The following BTG4 variants were observed in gnomAD, a reference collection of about 807,000 sequenced individuals.
BTG4 encodes the protein BTG anti-proliferation factor 4.
Under a neutral mutation model 19.3 loss-of-function variants are expected in BTG4, and 10 were observed. The observed-to-expected ratio is 0.52, with a 90% confidence interval of 0.32 to 0.88. The LOEUF (loss-of-function observed/expected upper bound fraction) is 0.88. Among genes scored for constraint, BTG4 ranks in the 40% least tolerant of loss-of-function variants. The pLI is 0.04. For missense variants in BTG4, 238 were observed against 281.9 expected (o/e 0.84, Z 1.11); for synonymous variants, 91 against 95.7 (o/e 0.95, Z 0.29).
chr11:111,494,969 C>G lies in BTG4; in HGVS notation c.*166G>C. On this transcript the variant is annotated 3_prime_UTR_variant, in exon 5 of 5. Coordinates refer to ENST00000692032, the MANE Select transcript of BTG4 (RefSeq NM_001367975.1). Reference sequence around the variant, plus strand: ...AATTAAATAAGAATTAAAAGTACAGCTAAGAACAGTGATGATCTGTATGAG... The same window carrying G: ...AATTAAATAAGAATTAAAAGTACAGGTAAGAACAGTGATGATCTGTATGAG... The G allele has an allele frequency of 2.0e-6, 2 of 985,186 alleles. No individual in the cohort carries two copies. Among genetic ancestry groups the G allele is most frequent in the South Asian group, 4.7e-5 (1 of 21,276 alleles). 61.0% of individuals were successfully genotyped at this position (985,186 alleles called of 1,614,324 possible). A position where few individuals can be genotyped will look rare whatever the true frequency, so the allele number is the denominator to read the frequency against.
At chr11:111,418,390 T>G in the BTG4 span, among the ~76,000 whole-genome samples, 1 of 152,192 alleles carries the variant, frequency 6.6e-6, no homozygotes, top group Non-Finnish European at 1.5e-5. Context: ...ACTTTAGGCT[T>G]GGCCATCATC....
At chr11:111,498,839 A>G in intron 1 of BTG4, 37 bp from the exon 2 acceptor site, 1 of 1,402,248 alleles carries the variant, frequency 7.1e-7, no homozygotes, top group Admixed American at 2.3e-5. Flanking sequence ...AAATAGAAAG[A>G]AATGGTTTAA....
chr11:111,441,858 A>G, the BTG4 span, among the ~76,000 whole-genome samples: 1 of 152,174 alleles, frequency 6.6e-6, no homozygotes, highest in Non-Finnish European at 1.5e-5. Context: ...AAGGAGTTCA[A>G]GACTAGTCTG....
chr11:111,446,707 C>G, the BTG4 span, among the ~76,000 whole-genome samples: 2,754 of 152,188 alleles, frequency 0.018, 40 homozygotes, highest in Non-Finnish European at 0.028. Context: ...CTCCTCCACG[C>G]CCTGCTCACC....
chr11:111,494,649 G>A (rs1239285787), downstream of BTG4, among the ~76,000 whole-genome samples: 6 of 152,010 alleles, frequency 3.9e-5, no homozygotes, highest in East Asian at 1.9e-4. Context: ...AATGGTGGCC[G>A]GGCACGGTGG....
At chr11:111,491,933 T>C (rs1193639170), downstream of BTG4, among the ~76,000 whole-genome samples, 1 of 133,440 alleles carries the variant, frequency 7.5e-6, no homozygotes, top group African/African-American at 2.8e-5. Context: ...AAATATATAG[T>C]TGATTATATT....
downstream of BTG4, among the ~76,000 whole-genome samples, chr11:111,490,100 T>C (rs1789824): frequency 0.94 from 138,638 of 148,164 alleles, 65,617 homozygotes; most frequent in East Asian, 1. Flanking sequence ...GGTGAAATCC[T>C]ATCTCTACTA....
chr11:111,467,226 C>G (rs548243), downstream of BTG4, among the ~76,000 whole-genome samples: 147,099 of 152,316 alleles, frequency 0.97, 71,231 homozygotes, highest in Middle Eastern at 1. Context: ...TTGAGCAGAA[C>G]AGACACAGTG....
intron 5 of BTG4, among the ~76,000 whole-genome samples, chr11:111,470,388 T>G (rs1214620807): frequency 6.6e-6 from 1 of 152,148 alleles, no homozygotes; most frequent in African/African-American, 2.4e-5. Context: ...CCTGGCCTCA[T>G]GACAATAAAA....
chr11:111,455,771 T>C, the BTG4 span: 1 of 450,156 alleles, frequency 2.2e-6, no homozygotes, highest in Non-Finnish European at 4.5e-6. Context: ...GTTCCCCAGC[T>C]GGACACGGTG....
At chr11:111,487,446 T>G (rs1157869038) in intron 5 of BTG4, among the ~76,000 whole-genome samples, 1 of 152,162 alleles carries the variant, frequency 6.6e-6, no homozygotes, top group Non-Finnish European at 1.5e-5. Context: ...AAATTGGGTA[T>G]AGAAGGAACA....
At chr11:111,402,088 G>A in the BTG4 span, among the ~76,000 whole-genome samples, 2 of 152,172 alleles carry the variant, frequency 1.3e-5, no homozygotes, top group Non-Finnish European at 2.9e-5. Flanking sequence ...GGGAAGTAAT[G>A]GAATCACAGA....
chr11:111,471,950 C>T (rs766263535), intron 5 of BTG4, among the ~76,000 whole-genome samples: 4 of 152,208 alleles, frequency 2.6e-5, no homozygotes, highest in Non-Finnish European at 5.9e-5. Context: ...TCAGGAAATC[C>T]TGTTGTTCTA....
chr11:111,400,035 G>A, the BTG4 span, among the ~76,000 whole-genome samples: 1 of 152,154 alleles, frequency 6.6e-6, no homozygotes, highest in Non-Finnish European at 1.5e-5. Flanking sequence ...TGAGGGTGGA[G>A]TGAGGGGAGA....
downstream of BTG4, among the ~76,000 whole-genome samples, chr11:111,465,898 G>GA (rs1176870127): frequency 1.9e-4 from 28 of 150,970 alleles, no homozygotes; most frequent in East Asian, 7.7e-4. Flanking sequence ...GCCCTTTCCA[G>GA]AAAAAAAAAG....
the BTG4 span, among the ~76,000 whole-genome samples, chr11:111,410,565 G>C: frequency 0.04 from 6,072 of 152,240 alleles, 130 homozygotes; most frequent in Middle Eastern, 0.14. Flanking sequence ...AGCATGCAAT[G>C]AGTACAAAAG....
At chr11:111,442,153 A>T in the BTG4 span, among the ~76,000 whole-genome samples, 198 of 152,144 alleles carry the variant, frequency 1.3e-3, no homozygotes, top group Non-Finnish European at 2.4e-3. Flanking sequence ...TCTCCAATAA[A>T]AAGGAACCAG....
chr11:111,400,488 A>G, the BTG4 span, among the ~76,000 whole-genome samples: 1 of 152,258 alleles, frequency 6.6e-6, no homozygotes, highest in Non-Finnish European at 1.5e-5. Flanking sequence ...TGCAGTACAA[A>G]CATATTAAAT....
At chr11:111,474,412 TGAACTTCATATAAATG>T (rs1246409580) in intron 5 of BTG4, among the ~76,000 whole-genome samples, 1 of 152,160 alleles carries the variant, frequency 6.6e-6, no homozygotes, top group Non-Finnish European at 1.5e-5. Flanking sequence ...CGCTTATTCA[TGAACTTCATATAAATG>T]GAACCATAAG....
Sources: gnomAD v4.1 joint callset for allele counts (sites outside exome capture counted in the v4.1 genomes callset) on GRCh38, gnomAD v4.1.1 for gene constraint, MANE v1.5 for transcripts, NCBI Gene and HGNC (gene_info 2026-07-23, HGNC 2026-07-21) for gene names.